LRP5: variants seen among roughly 807,000 people sequenced by gnomAD.
LRP5 encodes the protein LDL receptor related protein 5, also known as low-density lipoprotein receptor-related protein 5.
LRP5 carries 62 observed loss-of-function variants against 154.1 expected under a neutral mutation model. That is an observed-to-expected ratio of 0.40 (90% CI 0.33 to 0.50). LRP5 has a LOEUF of 0.50. LRP5 is among the 20% of genes least tolerant of loss of function. The pLI is 0.55. For synonymous variants in LRP5, 966 were observed against 1,011.5 expected (o/e 0.96, Z 0.85); for missense variants, 1,915 against 2,336.7 (o/e 0.82, Z 3.72).
Position 68,386,830 on chromosome 11 carries a change from C to T in LRP5, c.1412+118C>T. Reference sequence around the variant, plus strand: ...TCTTGCATCAGAACCCGGAGGAGGGCTTGTTAAAACACCGGCAGCTGGGCC... The same window carrying T: ...TCTTGCATCAGAACCCGGAGGAGGGTTTGTTAAAACACCGGCAGCTGGGCC... On this transcript the variant is annotated intron_variant, in intron 6 of 22. Transcript: ENST00000294304. The surrounding 1 kb of genome is among the most constrained non-coding windows in gnomAD (Gnocchi z 7.9). 8.4e-7 allele frequency: 1 copy of T among 1,197,100 alleles called. No homozygotes were observed. The highest frequency in any genetic ancestry group is 1.6e-5 in the South Asian group (1 of 64,360). 74.2% of individuals were successfully genotyped at this position (1,197,100 alleles called of 1,614,324 possible).
At chr11:68,368,748 A>T (rs1023588537) in intron 5 of LRP5, among the ~76,000 whole-genome samples, 1 of 152,016 alleles carries the variant, frequency 6.6e-6, no homozygotes, top group African/African-American at 2.4e-5. Context: ...ATCGAACCGT[A>T]AGGCTTCCTG....
chr11:68,361,517 G>A (rs1171444639), intron 3 of LRP5, among the ~76,000 whole-genome samples: 1 of 151,286 alleles, frequency 6.6e-6, no homozygotes, highest in Non-Finnish European at 1.5e-5. Flanking sequence ...GGTGACTATA[G>A]TCCCAGCCAC....
intron 1 of LRP5, among the ~76,000 whole-genome samples, chr11:68,316,569 G>A (rs2098593524): frequency 6.6e-6 from 1 of 152,200 alleles, no homozygotes; most frequent in Non-Finnish European, 1.5e-5. Flanking sequence ...ATCACGCCCG[G>A]CCTATTTCAG....
At chr11:68,422,596 G>A (rs939375981) in intron 13 of LRP5, among the ~76,000 whole-genome samples, 2 of 152,160 alleles carry the variant, frequency 1.3e-5, no homozygotes, top group East Asian at 3.8e-4. Flanking sequence ...GCACAGGGTG[G>A]GCTGGGCTTA....
chr11:68,335,921 G>A (rs2098605436), intron 1 of LRP5, among the ~76,000 whole-genome samples: 1 of 152,222 alleles, frequency 6.6e-6, no homozygotes, highest in South Asian at 2.1e-4. Context: ...GCAAGTCAGT[G>A]AGTGATTGCA....
chr11:68,359,944 G>A (rs1327438981), intron 3 of LRP5, among the ~76,000 whole-genome samples: 3 of 152,050 alleles, frequency 2.0e-5, no homozygotes, highest in Non-Finnish European at 2.9e-5. Context: ...CCGCCACCAC[G>A]CCTGGCAAAT....
chr11:68,358,375 A>G (rs977935179), intron 3 of LRP5, among the ~76,000 whole-genome samples: 3 of 152,160 alleles, frequency 2.0e-5, no homozygotes, highest in Non-Finnish European at 4.4e-5. Context: ...CGGCTCCCAG[A>G]GTGCTGGGAT....
chr11:68,372,197 G>A (rs2098634401), intron 5 of LRP5, among the ~76,000 whole-genome samples: 2 of 152,104 alleles, frequency 1.3e-5, no homozygotes, highest in African/African-American at 2.4e-5. Context: ...AGAAAGTGCA[G>A]TGTCAGGCAG....
Position 68,446,513 on chromosome 11 carries a change from G to C in LRP5, c.4566G>C (p.Pro1522=). 1.9e-6 allele frequency: 3 copies of C among 1,614,008 alleles called. No individual in the cohort carries two copies. Among genetic ancestry groups the C allele is most frequent in the Non-Finnish European group, 2.5e-6 (3 of 1,179,956 alleles). The change falls in exon 22 of 23, where the codon CCG becomes CCC. Residue 1522 remains proline, a synonymous_variant. Transcript: ENST00000294304. ...NMDMFYSSNI[P]ATARPYRPYI... is the part of the protein sequence containing the mutation. ...ACATGTTCTACTCTTCAAACATTCC[G>C]GCCACTGCGAGACCGTACAGGTAGG... is the stretch of plus-strand genomic sequence containing the variant.
upstream of LRP5, among the ~76,000 whole-genome samples, chr11:68,310,372 C>T (rs1318162308): frequency 6.6e-6 from 1 of 152,226 alleles, no homozygotes; most frequent in Non-Finnish European, 1.5e-5. Flanking sequence ...GTCATCCCAG[C>T]ACTTTGGGAG....
chr11:68,439,785 T>C lies in LRP5; in HGVS notation c.4357T>C (p.Cys1453Arg), dbSNP rs1375362734. The stretch of plus-strand genomic sequence containing the variant: ...CGTCCCTTCCCTGCCAGGCATCGCA[T>C]GCGGAAAGTCCATGATGAGCTCCGT... Reference protein sequence around the residue: ...SQHGPFTGIACGKSMMSSVSL... With the variant: ...SQHGPFTGIARGKSMMSSVSL... The change falls in exon 21 of 23, where the codon TGC becomes CGC. Residue 1453 changes from cysteine to arginine, a missense_variant. Coordinates refer to ENST00000294304, the MANE Select transcript of LRP5 (RefSeq NM_002335.4). 5 of 1,611,262 alleles carry C rather than the reference T, an allele frequency of 3.1e-6. No homozygotes were observed. The highest frequency in any genetic ancestry group is 4.2e-6 in the Non-Finnish European group (5 of 1,179,452).
chr11:68,428,390 C>A (rs545134009), intron 16 of LRP5, among the ~76,000 whole-genome samples: 1 of 152,226 alleles, frequency 6.6e-6, no homozygotes, highest in Admixed American at 6.5e-5. Context: ...GAAATGGATT[C>A]CCCCAATGTG....
intron 1 of LRP5, among the ~76,000 whole-genome samples, chr11:68,320,526 A>T (rs1243640679): frequency 7.0e-6 from 1 of 142,668 alleles, no homozygotes; most frequent in African/African-American, 2.6e-5. Flanking sequence ...CGCGATTGCC[A>T]TCTTGGTTCA....
chr11:68,411,671 G>T, intron 11 of LRP5, 51 bp downstream of exon 11: 1 of 1,554,044 alleles, frequency 6.4e-7, no homozygotes, highest in South Asian at 1.2e-5. Context: ...GCAGCCGGGC[G>T]TTGGCCACCT....
intron 7 of LRP5, among the ~76,000 whole-genome samples, chr11:68,398,247 T>C (rs2098650643): frequency 6.6e-6 from 1 of 152,244 alleles, no homozygotes; most frequent in South Asian, 2.1e-4. Context: ...CAGGCGACTG[T>C]CCAGAGTCAG....
rs566401199 is a variant in LRP5 at position 68,382,940 on chromosome 11, C to T, written c.1016-3376C>T. 1.6e-3 allele frequency among the ~76,000 whole-genome samples: 241 copies of T among 151,920 alleles called. 6 individuals carry two copies. In the South Asian group the frequency reaches 0.046, roughly 29 times the overall value. ...ACGCGCAGGCTGGAGTGCAGTGGCG[C>T]GATCTCAGCTCATTGCAACCTCTGC... On this transcript the variant is annotated intron_variant, in intron 5 of 22. Transcript: ENST00000294304.
At chr11:68,389,782 G>A in intron 6 of LRP5, 99 bp from the exon 7 acceptor site, 4 of 1,228,772 alleles carry the variant, frequency 3.3e-6, no homozygotes, top group Admixed American at 1.7e-5. Context: ...TTAGCCATGT[G>A]ATGGGGGCCG....
chr11:68,376,371 T>G (rs572326157), intron 5 of LRP5, among the ~76,000 whole-genome samples: 6 of 151,968 alleles, frequency 3.9e-5, no homozygotes, highest in African/African-American at 4.8e-5. Flanking sequence ...TTAGTAGAGA[T>G]GGGGTTTCAC....
rs559129140 is a variant in LRP5, at chr11:68,413,698, G to A, written c.2513G>A (p.Arg838Gln). The change falls in exon 12 of 23, where the codon CGG becomes CAG. Residue 838 changes from arginine to glutamine, a missense_variant. Coordinates refer to ENST00000294304, the MANE Select transcript of LRP5 (RefSeq NM_002335.4). The surrounding 1 kb of genome is among the most constrained non-coding windows in gnomAD (Gnocchi z 5.1). ...GTGTGTGTTCATGCAGGTCAGGAGC[G>A]GGTCGTGATTGCCGACGATCTCCCG... ...IESSNMLGQE[R>Q]VVIADDLPHP... is the part of the protein sequence containing the mutation. 6.9e-5 allele frequency: 112 copies of A among 1,613,740 alleles called. 1 individual carries two copies. The South Asian group carries it at 1.2e-3, about 17-fold the overall frequency.
Sources: gnomAD v4.1 joint callset for allele counts (sites outside exome capture counted in the v4.1 genomes callset) on GRCh38, gnomAD v4.1.1 for gene constraint, Gnocchi (gnomAD v3.1) non-coding constraint, MANE v1.5 for transcripts, NCBI Gene and HGNC (gene_info 2026-07-23, HGNC 2026-07-21) for gene names.